The following PTPRC variants were observed in gnomAD, a reference collection of about 807,000 sequenced individuals.
PTPRC encodes the protein protein tyrosine phosphatase receptor type C.
In PTPRC, 44 loss-of-function variants were observed where a neutral mutation model predicts 155.9. The ratio of observed to expected loss-of-function variants is 0.28; its 90% CI spans 0.22 to 0.36. The LOEUF (loss-of-function observed/expected upper bound fraction) is 0.36, where lower values mean the gene tolerates loss of function less well. PTPRC is among the 10% of genes least tolerant of loss of function. The pLI is 1.00. For missense variants in PTPRC, 1,401 were observed against 1,564.6 expected (o/e 0.90, Z 1.76); for synonymous variants, 525 against 533.1 (o/e 0.98, Z 0.21).
chr1:198,717,013 G>A (rs527379895), intron 13 of PTPRC, among the ~76,000 whole-genome samples, 173 bp downstream of exon 13: 71 of 152,246 alleles, frequency 4.7e-4, no homozygotes, highest in Admixed American at 1.2e-3. Context: ...CGTTATCCTG[G>A]ATTCTCTCTC....
intron 29 of PTPRC, among the ~76,000 whole-genome samples, chr1:198,751,792 T>C (rs2102545537): frequency 6.6e-6 from 1 of 152,104 alleles, no homozygotes; most frequent in Non-Finnish European, 1.5e-5. Context: ...ATGGTGTTGG[T>C]CAACAAGATG....
intron 27 of PTPRC, 138 bp downstream of exon 27, chr1:198,748,337 T>A: frequency 8.4e-7 from 1 of 1,193,004 alleles, no homozygotes; most frequent in Non-Finnish European, 1.1e-6. Flanking sequence ...AAGAAGTTAC[T>A]AGGTATTAAA....
intron 2 of PTPRC, among the ~76,000 whole-genome samples, chr1:198,682,196 C>T (rs1047963358): frequency 4.6e-5 from 7 of 152,164 alleles, no homozygotes; most frequent in African/African-American, 1.4e-4. Context: ...TGCCTGGGTT[C>T]CTTTAATGAT....
At position 198,709,737 on chromosome 1, in the gene PTPRC, G is replaced by A. The variant is rs917430300; in HGVS notation, c.1084G>A (p.Glu362Lys). ...AATTAAATTAGAAAACCTTGAACCC[G>A]AACATGAGTATAAGTGTGACTCAGA... is the stretch of plus-strand genomic sequence containing the variant. ...KEIKLENLEPEHEYKCDSEIL... is the reference protein window; with the variant it reads ...KEIKLENLEPKHEYKCDSEIL... Residue 362 changes from glutamate (E) to lysine (K), a missense_variant, in exon 11 of 33, where the codon GAA becomes AAA. Around this residue, in one of 3 missense-constraint regions of PTPRC, gnomAD observed 867 missense variants for 970.4 expected, o/e 0.89. Coordinates refer to ENST00000442510, the MANE Select transcript of PTPRC (RefSeq NM_002838.5). 1.7e-5 allele frequency: 27 copies of A among 1,606,520 alleles called. No individual in the cohort carries two copies. Among genetic ancestry groups the A allele is most frequent in the African/African-American group, 6.7e-5 (5 of 74,702 alleles).
chr1:198,717,777 C>T (rs1014929873), intron 13 of PTPRC, among the ~76,000 whole-genome samples: 1 of 152,052 alleles, frequency 6.6e-6, no homozygotes, highest in Non-Finnish European at 1.5e-5. Flanking sequence ...TTTTTCCTCT[C>T]CTCTCCCCAA....
chr1:198,732,943 T>C (rs1252726049), intron 20 of PTPRC, among the ~76,000 whole-genome samples: 1 of 151,798 alleles, frequency 6.6e-6, no homozygotes, highest in East Asian at 1.9e-4. Flanking sequence ...GTTCACACAA[T>C]TGGTAAATAT....
chr1:198,663,285 G>A (rs747613328), intron 2 of PTPRC, among the ~76,000 whole-genome samples: 6 of 152,314 alleles, frequency 3.9e-5, no homozygotes, highest in South Asian at 2.1e-4. Flanking sequence ...AACCAAGCTG[G>A]TGGTGGTAAC....
chr1:198,755,864 T>A, intron 32 of PTPRC, 42 bp from the exon 33 acceptor site: 1 of 1,554,544 alleles, frequency 6.4e-7, no homozygotes. Flanking sequence ...AATAATGACA[T>A]CAACTTTCTT....
chr1:198,749,456 G>C lies in PTPRC; in HGVS notation c.2979G>C (p.Met993Ile). 6.2e-7 allele frequency: 1 copy of C among 1,609,826 alleles called. No homozygotes were observed. The highest frequency in any genetic ancestry group is 1.7e-5 in the Admixed American group (1 of 59,736). The change falls in exon 28 of 33, where the codon ATG (methionine) becomes ATC (isoleucine). Residue 993 changes from methionine to isoleucine, a missense_variant. Met to Ile is a conservative substitution (Grantham distance 10, BLOSUM62 1). Coordinates refer to ENST00000442510, the MANE Select transcript of PTPRC (RefSeq NM_002838.5). Reference sequence around the variant, plus strand: ...TGCCACTTAAACATGAGCTGGAAATGAGTAAAGAGAGTGAGCATGATTCAG... The same window carrying C: ...TGCCACTTAAACATGAGCTGGAAATCAGTAAAGAGAGTGAGCATGATTCAG... ...NRVPLKHELEMSKESEHDSDE... is the reference protein window; with the variant it reads ...NRVPLKHELEISKESEHDSDE...
intron 2 of PTPRC, among the ~76,000 whole-genome samples, chr1:198,666,270 A>G (rs1664302648): frequency 6.7e-6 from 1 of 148,552 alleles, no homozygotes; most frequent in Non-Finnish European, 1.5e-5. Context: ...AGAGAGATGT[A>G]GGGAGCATTG....
At chr1:198,729,678 TGA>T (rs1419141682) in intron 17 of PTPRC, among the ~76,000 whole-genome samples, 1 of 152,208 alleles carries the variant, frequency 6.6e-6, no homozygotes, top group Non-Finnish European at 1.5e-5. Flanking sequence ...TGCCAGGTAC[TGA>T]GAGTACTACA....
chr1:198,702,320 G>T (rs1347274907), intron 5 of PTPRC, 67 bp from the exon 6 acceptor site: 4 of 1,595,786 alleles, frequency 2.5e-6, no homozygotes, highest in East Asian at 2.2e-5. Flanking sequence ...TGTTTATGTT[G>T]GCTATCTGGC....
intron 25 of PTPRC, among the ~76,000 whole-genome samples, chr1:198,743,067 C>CAAAAAAAAAA (rs10628640): frequency 7.4e-4 from 56 of 75,882 alleles, no homozygotes; most frequent in Non-Finnish European, 1.1e-3. Context: ...GTCAAAATAG[C>CAAAAAAAAAA]AAAAAAAAAA....
chr1:198,680,114 C>T (rs2102326882), intron 2 of PTPRC: 1 of 408,868 alleles, frequency 2.4e-6, no homozygotes. Context: ...GACTCGGCAG[C>T]CTCTGAAAAC....
chr1:198,641,971 A>G (rs1392399618), intron 2 of PTPRC, among the ~76,000 whole-genome samples: 1 of 152,050 alleles, frequency 6.6e-6, no homozygotes, highest in Non-Finnish European at 1.5e-5. Flanking sequence ...CAGTCCTATT[A>G]AGTTCTAAAT....
chr1:198,747,033 A>G (rs753674695), intron 26 of PTPRC, among the ~76,000 whole-genome samples: 9 of 151,914 alleles, frequency 5.9e-5, no homozygotes, highest in Non-Finnish European at 1.2e-4. Context: ...TGTGTATATA[A>G]AATCTTACCG....
At chr1:198,651,719 TG>T (rs1192074135) in intron 2 of PTPRC, among the ~76,000 whole-genome samples, 1 of 151,910 alleles carries the variant, frequency 6.6e-6, no homozygotes, top group Non-Finnish European at 1.5e-5. Context: ...TAAGCAAATT[TG>T]TTAATTTGTG....
intron 2 of PTPRC, among the ~76,000 whole-genome samples, chr1:198,680,243 C>A (rs180778947): frequency 8.9e-4 from 136 of 152,202 alleles, no homozygotes; most frequent in African/African-American, 3.1e-3. Flanking sequence ...TACCTAAGGA[C>A]GGAGTTCGAG....
chr1:198,640,250 T>C (rs1303116496), intron 2 of PTPRC, among the ~76,000 whole-genome samples: 2 of 152,026 alleles, frequency 1.3e-5, no homozygotes, highest in African/African-American at 4.8e-5. Context: ...TTTCTCTTTA[T>C]GATGTAGTAT....
Sources: gnomAD v4.1 joint callset for allele counts (sites outside exome capture counted in the v4.1 genomes callset) on GRCh38, gnomAD v4.1.1 for gene constraint, gnomAD v4.1.1 regional missense constraint, MANE v1.5 for transcripts, NCBI Gene and HGNC (gene_info 2026-07-23, HGNC 2026-07-21) for gene names.